Variants in CSMD1 observed in about 807,000 individuals in gnomAD.
CSMD1 encodes CUB and Sushi multiple domains 1, also known as CUB and sushi domain-containing protein 1.
Under a neutral mutation model 417.5 loss-of-function variants are expected in CSMD1, and 213 were observed. The ratio of observed to expected loss-of-function variants is 0.51; its 90% CI spans 0.46 to 0.57. The LOEUF is 0.57. Among genes scored for constraint, CSMD1 ranks in the 20% least tolerant of loss-of-function variants. The pLI is 0.00. For synonymous variants in CSMD1, 2,862 were observed against 1,736.8 expected (o/e 1.65, Z -16.11); for missense variants, 6,923 against 4,529.7 (o/e 1.53, Z -15.17).
chr8:4,327,877 T>A (rs965345241), intron 3 of CSMD1, among the ~76,000 whole-genome samples: 10 of 152,210 alleles, frequency 6.6e-5, no homozygotes, highest in African/African-American at 2.4e-4. Context: ...CAAAAAACTT[T>A]AAAATCTTTC....
At chr8:3,460,606 A>C (rs1372658037) in intron 12 of CSMD1, among the ~76,000 whole-genome samples, 1 of 152,200 alleles carries the variant, frequency 6.6e-6, no homozygotes, top group Non-Finnish European at 1.5e-5. Flanking sequence ...GGGTAAGAGA[A>C]TGAAGATAAA....
At chr8:4,739,632 C>G (rs1229534811) in intron 1 of CSMD1, among the ~76,000 whole-genome samples, 1 of 152,156 alleles carries the variant, frequency 6.6e-6, no homozygotes, top group Non-Finnish European at 1.5e-5. Flanking sequence ...GTTATCATGG[C>G]ATTAACACAG....
At chr8:4,062,508 G>T (rs762246546) in intron 3 of CSMD1, among the ~76,000 whole-genome samples, 1 of 152,096 alleles carries the variant, frequency 6.6e-6, no homozygotes, top group South Asian at 2.1e-4. Flanking sequence ...CATTCTAAGT[G>T]GGGAAATGTA....
intron 2 of CSMD1, among the ~76,000 whole-genome samples, chr8:4,535,289 G>C (rs1462880207): frequency 6.6e-6 from 1 of 152,088 alleles, no homozygotes; most frequent in African/African-American, 2.4e-5. Flanking sequence ...ACAGGGGGAA[G>C]TCAATTATTT....
At chr8:4,088,886 T>C (rs1317997540) in intron 3 of CSMD1, among the ~76,000 whole-genome samples, 1 of 152,078 alleles carries the variant, frequency 6.6e-6, no homozygotes, top group Non-Finnish European at 1.5e-5. Context: ...ACCCGCAATC[T>C]TCCCCCTCTA....
At chr8:3,255,823 G>T (rs910858831) in intron 26 of CSMD1, among the ~76,000 whole-genome samples, 1 of 152,184 alleles carries the variant, frequency 6.6e-6, no homozygotes, top group African/African-American at 2.4e-5. Context: ...CCCGGGTGAT[G>T]TGATGCCTCA....
chr8:4,798,533 C>G (rs1357280765), intron 1 of CSMD1, among the ~76,000 whole-genome samples: 3 of 152,092 alleles, frequency 2.0e-5, no homozygotes, highest in Non-Finnish European at 4.4e-5. Context: ...AGGTTAGTAT[C>G]TGACAACTAG....
In CSMD1 at chr8:4,230,185, A is replaced by C. The variant is rs141663168; in HGVS notation, c.415+189768T>G. On this transcript the variant is annotated intron_variant, in intron 3 of 69. Transcript: ENST00000635120. ...ATGTTTGAATTGATATTCTGAGCCA[A>C]ATTATCTTAAGATCTAGAGTTTCCC... 7.7e-4 allele frequency among the ~76,000 whole-genome samples: 118 copies of C among 152,274 alleles called. 1 individual carries two copies. Among genetic ancestry groups the C allele is most frequent in the African/African-American group, 2.6e-3 (110 of 41,564 alleles).
At chr8:3,477,043 G>A (rs896365878) in intron 11 of CSMD1, among the ~76,000 whole-genome samples, 2 of 152,098 alleles carry the variant, frequency 1.3e-5, no homozygotes, top group Non-Finnish European at 2.9e-5. Context: ...TTTGCTGGTG[G>A]TTACACAGAT....
intron 10 of CSMD1, among the ~76,000 whole-genome samples, chr8:3,558,186 A>G (rs1393259984): frequency 1.3e-5 from 2 of 149,144 alleles, no homozygotes; most frequent in Non-Finnish European, 3.0e-5. Flanking sequence ...CCACTCCTCC[A>G]ATGATGAATA....
chr8:4,624,675 G>A (rs550578761), intron 2 of CSMD1, among the ~76,000 whole-genome samples: 23 of 152,216 alleles, frequency 1.5e-4, no homozygotes, highest in African/African-American at 4.8e-4. Context: ...CTGTTTACAC[G>A]GGATATAATT....
At chr8:3,552,831 T>C (rs1798976036) in intron 10 of CSMD1, among the ~76,000 whole-genome samples, 1 of 152,260 alleles carries the variant, frequency 6.6e-6, no homozygotes, top group African/African-American at 2.4e-5. Flanking sequence ...ATTGTATAAT[T>C]TATATTCTTT....
chr8:2,949,753 A>C (rs539358812), intron 67 of CSMD1, among the ~76,000 whole-genome samples: 1 of 152,346 alleles, frequency 6.6e-6, no homozygotes, highest in South Asian at 2.1e-4. Context: ...GGCAGGGTAC[A>C]TCATGTATGG....
At chr8:3,718,018 C>A (rs895091137) in intron 6 of CSMD1, among the ~76,000 whole-genome samples, 3 of 152,216 alleles carry the variant, frequency 2.0e-5, no homozygotes, top group African/African-American at 4.8e-5. Context: ...TTAACTAAAG[C>A]CTCTCTGCCC....
intron 3 of CSMD1, among the ~76,000 whole-genome samples, chr8:4,139,560 T>A (rs1291511005): frequency 6.6e-6 from 1 of 151,114 alleles, no homozygotes; most frequent in Non-Finnish European, 1.5e-5. Flanking sequence ...GATCTGCATA[T>A]AGCTCCCTGA....
chr8:3,824,859 T>G (rs1801963192), intron 5 of CSMD1, among the ~76,000 whole-genome samples: 1 of 152,112 alleles, frequency 6.6e-6, no homozygotes, highest in African/African-American at 2.4e-5. Context: ...GGGTTTCAAT[T>G]AAAACCTGAC....
At position 4,161,170 on chromosome 8, in the gene CSMD1, G is replaced by T. The variant is rs151298660; in HGVS notation, c.416-129071C>A. ...AGACATGATAAAAGTTCAGAAGGAT[G>T]AAGTACTTGCAATGTGCTACTTCCT... On this transcript the variant is annotated intron_variant, in intron 3 of 69. Coordinates refer to ENST00000635120, the MANE Select transcript of CSMD1 (RefSeq NM_033225.6). 8.6e-3 allele frequency among the ~76,000 whole-genome samples: 1,309 copies of T among 151,630 alleles called. 22 individuals are homozygous for T. The highest frequency in any genetic ancestry group is 0.03 in the African/African-American group (1,251 of 41,340).
intron 50 of CSMD1, among the ~76,000 whole-genome samples, chr8:3,051,480 C>A (rs946143886): frequency 4.6e-5 from 7 of 152,132 alleles, no homozygotes; most frequent in Non-Finnish European, 8.8e-5. Context: ...GATTCAAAGA[C>A]TGTCTCTTGG....
At chr8:4,011,067 C>A (rs576142451) in intron 4 of CSMD1, among the ~76,000 whole-genome samples, 1 of 152,170 alleles carries the variant, frequency 6.6e-6, no homozygotes, top group Admixed American at 6.5e-5. Context: ...TCACTGCCAC[C>A]TGATGACTTT....
Sources: allele counts gnomAD v4.1 joint callset (sites outside exome capture counted in the v4.1 genomes callset), GRCh38; gene constraint gnomAD v4.1.1; transcripts MANE v1.5; gene names NCBI Gene and HGNC (gene_info 2026-07-23, HGNC 2026-07-21).